The following EGFLAM variants were observed in gnomAD, a reference collection of about 807,000 sequenced individuals.
The protein encoded by EGFLAM is EGF like, fibronectin type III and laminin G domains.
A neutral mutation model predicts 113.1 loss-of-function variants in EGFLAM; 79 were observed. That is an observed-to-expected ratio of 0.70 (90% CI 0.58 to 0.84). The LOEUF (loss-of-function observed/expected upper bound fraction) is 0.84. Among genes scored for constraint, EGFLAM ranks in the 40% least tolerant of loss-of-function variants. EGFLAM has a pLI of 0.00. For synonymous variants in EGFLAM, 504 were observed against 487.6 expected, an observed-to-expected ratio of 1.03 and a Z score of -0.44; for missense variants, 1,265 against 1,291.6, an observed-to-expected ratio of 0.98 and a Z score of 0.32.
At chr5:38,424,767 C>G (rs1741941488) in intron 12 of EGFLAM, among the ~76,000 whole-genome samples, 200 bp from the exon 13 acceptor site, 1 of 152,132 alleles carries the variant, frequency 6.6e-6, no homozygotes, top group African/African-American at 2.4e-5. Flanking sequence ...TCATACAGGA[C>G]AAACCAAAAT....
intron 17 of EGFLAM, among the ~76,000 whole-genome samples, chr5:38,443,812 C>A (rs573577983): frequency 2.0e-5 from 3 of 151,504 alleles, no homozygotes; most frequent in Non-Finnish European, 4.4e-5. Context: ...CTCTGTCACC[C>A]CAGGCTGGAG....
At chr5:38,327,951 C>G (rs1404396357) in intron 1 of EGFLAM, among the ~76,000 whole-genome samples, 1 of 152,198 alleles carries the variant, frequency 6.6e-6, no homozygotes, top group Non-Finnish European at 1.5e-5. Context: ...TAACTACTGC[C>G]CTTTCTAAAT....
At chr5:38,445,754 A>G (rs1374937450) in intron 17 of EGFLAM, 1 of 1,582,110 alleles carries the variant, frequency 6.3e-7, no homozygotes, top group East Asian at 2.2e-5. Context: ...GGGCTGGGGC[A>G]GGCCAACCGC....
chr5:38,292,255 C>CA (rs199694185), intron 1 of EGFLAM, among the ~76,000 whole-genome samples: 44 of 151,752 alleles, frequency 2.9e-4, no homozygotes, highest in Non-Finnish European at 3.8e-4. Context: ...ATACAGTAGA[C>CA]AAAAAAAAGC....
chr5:38,278,721 T>G (rs890565971), intron 1 of EGFLAM, among the ~76,000 whole-genome samples: 8 of 152,094 alleles, frequency 5.3e-5, no homozygotes, highest in Admixed American at 2.0e-4. Flanking sequence ...ACTCCTGACC[T>G]AAAATGATCC....
chr5:38,440,844 T>C (rs1742510099), intron 17 of EGFLAM, among the ~76,000 whole-genome samples: 1 of 152,164 alleles, frequency 6.6e-6, no homozygotes, highest in Admixed American at 6.5e-5. Flanking sequence ...GCACCTTCTT[T>C]ATGAGGAATT....
Position 38,320,580 on chromosome 5 carries a change from G to A in EGFLAM, c.98-16940G>A, listed in dbSNP as rs545145315. Reference sequence around the variant, plus strand: ...AGGTGGGAGGATGTGTGTGTTGTGCGTATGCCTGTGTATATGTGTGTCTGC... The same window carrying A: ...AGGTGGGAGGATGTGTGTGTTGTGCATATGCCTGTGTATATGTGTGTCTGC... On this transcript the variant is annotated intron_variant, in intron 1 of 21. Coordinates refer to ENST00000322350, the MANE Select transcript of EGFLAM (RefSeq NM_152403.4). 3.1e-4 allele frequency among the ~76,000 whole-genome samples: 47 copies of A among 152,180 alleles called. No homozygotes were observed. The South Asian group carries it at 4.2e-3, about 13-fold the overall frequency.
chr5:38,361,478 T>G (rs993439518), intron 5 of EGFLAM, among the ~76,000 whole-genome samples: 2 of 152,188 alleles, frequency 1.3e-5, no homozygotes, highest in Non-Finnish European at 2.9e-5. Flanking sequence ...GTCAAATAGG[T>G]GCTGGTAAGC....
intron 16 of EGFLAM, among the ~76,000 whole-genome samples, chr5:38,437,884 G>C (rs1026203235): frequency 6.6e-6 from 1 of 152,270 alleles, no homozygotes; most frequent in East Asian, 1.9e-4. Flanking sequence ...AGCACTTTGG[G>C]AGGCTGAAGT....
At chr5:38,372,806 T>C (rs1335997479) in intron 6 of EGFLAM, among the ~76,000 whole-genome samples, 2 of 152,222 alleles carry the variant, frequency 1.3e-5, no homozygotes, top group Non-Finnish European at 2.9e-5. Context: ...TACAAAAGCA[T>C]GTGCTATAAT....
At chr5:38,317,405 T>C (rs1738630714) in intron 1 of EGFLAM, among the ~76,000 whole-genome samples, 1 of 152,168 alleles carries the variant, frequency 6.6e-6, no homozygotes, top group South Asian at 2.1e-4. Flanking sequence ...GTGCCTGGCC[T>C]TGGAGTCTAT....
intron 5 of EGFLAM, among the ~76,000 whole-genome samples, chr5:38,363,541 A>T (rs945580315): frequency 6.6e-6 from 1 of 152,228 alleles, no homozygotes; most frequent in African/African-American, 2.4e-5. Context: ...ATCTGGTTAC[A>T]ATGGTTGCAC....
At chr5:38,283,306 T>C (rs745653363) in intron 1 of EGFLAM, among the ~76,000 whole-genome samples, 13 of 152,202 alleles carry the variant, frequency 8.5e-5, no homozygotes, top group Non-Finnish European at 1.5e-4. Context: ...TTTATTCATT[T>C]GTGCTGAGAA....
Position 38,437,620 on chromosome 5 carries a change from G to A in EGFLAM, c.2284-655G>A, listed in dbSNP as rs541000589. Reference sequence around the variant, plus strand: ...AGATTCTGGTTCAATGGGTCTGGGCGGGTCTGGGCATTAGTATTTCTTAAG... The same window carrying A: ...AGATTCTGGTTCAATGGGTCTGGGCAGGTCTGGGCATTAGTATTTCTTAAG... On this transcript the variant is annotated intron_variant, in intron 16 of 21. Coordinates refer to ENST00000322350, the MANE Select transcript of EGFLAM (RefSeq NM_152403.4). Among the ~76,000 whole-genome samples the A allele has an allele frequency of 6.3e-4, 96 of 152,284 alleles. 3 individuals are homozygous for A. In the South Asian group the frequency reaches 8.1e-3, roughly 13 times the overall value.
In EGFLAM at chr5:38,357,575, G is replaced by T. The variant is rs565901395; in HGVS notation, c.545+5244G>T. On this transcript the variant is annotated intron_variant, in intron 5 of 21. Transcript: ENST00000322350. The stretch of plus-strand genomic sequence containing the variant: ...CTACTTCCTGTGTACAGAAGCACAC[G>T]TGACAGGTTTCTGTGTGAGCCAAAA... Among the ~76,000 whole-genome samples, 7 of 152,254 alleles carry T rather than the reference G, an allele frequency of 4.6e-5. No individual in the cohort carries two copies. In the South Asian group the frequency reaches 8.3e-4, roughly 18 times the overall value.
chr5:38,274,003 G>A (rs1038489871), intron 1 of EGFLAM, among the ~76,000 whole-genome samples: 7 of 151,982 alleles, frequency 4.6e-5, no homozygotes, highest in Admixed American at 3.9e-4. Context: ...TAAGTGACCA[G>A]AATGATAAAT....
intron 1 of EGFLAM, among the ~76,000 whole-genome samples, chr5:38,318,258 G>C (rs1222635411): frequency 6.6e-6 from 1 of 151,216 alleles, no homozygotes; most frequent in Non-Finnish European, 1.5e-5. Context: ...TGATAGTATA[G>C]TATACTATAG....
chr5:38,451,433 C>T lies in EGFLAM; in HGVS notation c.2662C>T (p.Leu888Phe). The T allele has an allele frequency of 2.5e-6, 4 of 1,614,206 alleles. No homozygotes were observed. Among genetic ancestry groups the T allele is most frequent in the Non-Finnish European group, 3.4e-6 (4 of 1,180,018 alleles). ...RPNSDFISLG[L>F]RDGALVFSYN... is the part of the protein sequence containing the mutation. ...CAACAGCGACTTCATTTCCTTGGGC[C>T]TTCGGGATGGAGCCCTCGTGTTCAG... Residue 888 changes from leucine (L) to phenylalanine (F), a missense_variant, in exon 19 of 22, where the codon CTT (leucine) becomes TTT (phenylalanine). Leu to Phe is a conservative substitution (Grantham distance 22). Coordinates refer to ENST00000322350, the MANE Select transcript of EGFLAM (RefSeq NM_152403.4).
intron 1 of EGFLAM, among the ~76,000 whole-genome samples, chr5:38,266,407 A>G (rs2589791): frequency 0.021 from 3,137 of 152,338 alleles, 119 homozygotes; most frequent in African/African-American, 0.068. Flanking sequence ...CCAATACAGT[A>G]ATGCATGTAG....
Sources: allele counts gnomAD v4.1 joint callset (sites outside exome capture counted in the v4.1 genomes callset), GRCh38; gene constraint gnomAD v4.1.1; transcripts MANE v1.5; gene names NCBI Gene and HGNC (gene_info 2026-07-23, HGNC 2026-07-21).